The following MRTFB variants were observed in gnomAD, a reference collection of about 807,000 sequenced individuals.
The protein encoded by MRTFB is myocardin related transcription factor B.
In MRTFB, 29 loss-of-function variants were observed where a neutral mutation model predicts 104.2. The ratio of observed to expected loss-of-function variants is 0.28; its 90% confidence interval spans 0.21 to 0.38. The LOEUF (loss-of-function observed/expected upper bound fraction) is 0.38. Among genes scored for constraint, MRTFB ranks in the 10% least tolerant of loss-of-function variants. The pLI, the probability that MRTFB is intolerant of heterozygous loss-of-function variation, is 1.00. For synonymous variants in MRTFB, 535 were observed against 519.5 expected (o/e 1.03, Z -0.41); for missense variants, 1,270 against 1,341.6 (o/e 0.95, Z 0.83).
At chr16:14,208,381 T>C (rs1162876680) in intron 3 of MRTFB, among the ~76,000 whole-genome samples, 1 of 152,230 alleles carries the variant, frequency 6.6e-6, no homozygotes, top group African/African-American at 2.4e-5. Context: ...TAGATTTGTC[T>C]CACAAATGTG....
chr16:14,191,312 G>A (rs1315922163), intron 3 of MRTFB, among the ~76,000 whole-genome samples: 2 of 152,176 alleles, frequency 1.3e-5, no homozygotes, highest in East Asian at 1.9e-4. Context: ...TCTGGACAAC[G>A]CTACTCAGTG....
chr16:14,148,511 CTGATA>C (rs1288818303), intron 3 of MRTFB, among the ~76,000 whole-genome samples: 1 of 152,180 alleles, frequency 6.6e-6, no homozygotes, highest in Non-Finnish European at 1.5e-5. Context: ...AACAGTAAGA[CTGATA>C]TGTTAAAGTA....
chr16:14,159,449 A>G (rs2038947661), intron 3 of MRTFB, among the ~76,000 whole-genome samples: 1 of 152,216 alleles, frequency 6.6e-6, no homozygotes, highest in Non-Finnish European at 1.5e-5. Flanking sequence ...AAGCCTGAAA[A>G]TAGATTATTA....
chr16:14,224,523 G>A (rs1026630948), intron 8 of MRTFB, among the ~76,000 whole-genome samples: 15 of 152,066 alleles, frequency 9.9e-5, no homozygotes, highest in Admixed American at 2.6e-4. Context: ...AAAGACACCC[G>A]CAGGAACGCA....
At chr16:14,254,477 C>T (rs2043394031) in intron 15 of MRTFB, among the ~76,000 whole-genome samples, 1 of 152,158 alleles carries the variant, frequency 6.6e-6, no homozygotes, top group Admixed American at 6.5e-5. Flanking sequence ...GTCTTTATGG[C>T]CTGGAAATCC....
intron 2 of MRTFB, among the ~76,000 whole-genome samples, chr16:14,133,492 C>T (rs965804759): frequency 3.4e-4 from 51 of 152,210 alleles, no homozygotes; most frequent in African/African-American, 1.1e-3. Flanking sequence ...GTATTTTAAA[C>T]GTAAATTTAA....
At chr16:14,175,345 A>G (rs1042448399) in intron 3 of MRTFB, among the ~76,000 whole-genome samples, 1 of 152,236 alleles carries the variant, frequency 6.6e-6, no homozygotes, top group Non-Finnish European at 1.5e-5. Flanking sequence ...TCTCTAGGCA[A>G]CTACTCATGT....
chr16:14,207,555 G>A (rs1181597566), intron 3 of MRTFB, among the ~76,000 whole-genome samples: 1 of 152,180 alleles, frequency 6.6e-6, no homozygotes, highest in Non-Finnish European at 1.5e-5. Flanking sequence ...GGAGTGATGA[G>A]AGTGGTTTTT....
chr16:14,109,956 A>G (rs894484677), intron 2 of MRTFB, among the ~76,000 whole-genome samples: 1 of 152,214 alleles, frequency 6.6e-6, no homozygotes, highest in Non-Finnish European at 1.5e-5. Flanking sequence ...AGCATCTTAA[A>G]TTCTGTTCCT....
intron 3 of MRTFB, chr16:14,141,677 T>G (rs970861517): frequency 2.0e-5 from 3 of 152,182 alleles, no homozygotes; most frequent in African/African-American, 7.2e-5. Flanking sequence ...CTTATTAGAC[T>G]TACCTTATTT....
chr16:14,252,477 G>C lies in MRTFB; in HGVS notation c.2678G>C (p.Arg893Pro). 2 of 1,613,742 alleles carry C rather than the reference G, an allele frequency of 1.2e-6. No homozygotes were observed. The highest frequency in any genetic ancestry group is 2.2e-5 in the South Asian group (2 of 91,042). The change falls in exon 15 of 17, where the codon CGC (arginine) becomes CCC (proline). Residue 893 changes from arginine to proline, a missense_variant. Physicochemically the swap from Arg to Pro is moderately radical, Grantham distance 103. Around this residue, in one of 3 missense-constraint regions of MRTFB, gnomAD observed 1,144 missense variants for 1,131.5 expected, o/e 1.01. Transcript: ENST00000571589. ...TATGAGGAGGCCATCAAGCAGACAC[G>C]CAGCACACAGGCCCCTCTGCCAGAG... The part of the protein sequence containing the change: ...PRYEEAIKQT[R>P]STQAPLPEIS...
intron 2 of MRTFB, among the ~76,000 whole-genome samples, chr16:14,091,670 G>A (rs1234201090): frequency 1.3e-5 from 2 of 152,084 alleles, no homozygotes; most frequent in Admixed American, 6.5e-5. Flanking sequence ...CCCAGAGATC[G>A]AAACGATCTG....
intron 2 of MRTFB, among the ~76,000 whole-genome samples, chr16:14,115,411 TA>T (rs2036493777): frequency 1.3e-5 from 2 of 152,250 alleles, no homozygotes; most frequent in African/African-American, 2.4e-5. Flanking sequence ...GGATGTTTCA[TA>T]CTGTAAGTAA....
chr16:14,090,799 G>T (rs1208827512), intron 2 of MRTFB, among the ~76,000 whole-genome samples: 1 of 152,010 alleles, frequency 6.6e-6, no homozygotes, highest in Non-Finnish European at 1.5e-5. Flanking sequence ...GTAGATAGAG[G>T]TGTGACGACT....
Position 14,125,752 on chromosome 16 carries a change from T to C in MRTFB, c.-63-14792T>C, listed in dbSNP as rs527397784. ...CGTCTGTCTGAGGTTTATAATATGC[T>C]GAGGTCATTTCCAAGTGATTTTTCA... On this transcript the variant is annotated intron_variant, in intron 2 of 16. Coordinates refer to ENST00000571589, the MANE Select transcript of MRTFB (RefSeq NM_001308142.2). Among the ~76,000 whole-genome samples, 7 of 152,368 alleles carry C rather than the reference T, an allele frequency of 4.6e-5. No homozygotes were observed. The South Asian group carries it at 1.5e-3, about 32-fold the overall frequency.
chr16:14,070,526 TCA>T (rs2033622002), upstream of MRTFB, among the ~76,000 whole-genome samples: 1 of 152,188 alleles, frequency 6.6e-6, no homozygotes, highest in Non-Finnish European at 1.5e-5. Flanking sequence ...ATAAAAATAG[TCA>T]CACAGTCTTC....
At chr16:14,106,928 A>C (rs1169050093) in intron 2 of MRTFB, among the ~76,000 whole-genome samples, 1 of 152,234 alleles carries the variant, frequency 6.6e-6, no homozygotes, top group African/African-American at 2.4e-5. Context: ...GGCTGCATAC[A>C]GGTTTTCAGT....
intron 3 of MRTFB, among the ~76,000 whole-genome samples, chr16:14,178,273 C>T (rs1268664087): frequency 1.3e-5 from 2 of 151,832 alleles, no homozygotes; most frequent in Non-Finnish European, 2.9e-5. Context: ...ATATTGGTAG[C>T]GAATCTAGGG....
At chr16:13,997,729 G>T in the MRTFB span, among the ~76,000 whole-genome samples, 11 of 144,482 alleles carry the variant, frequency 7.6e-5, no homozygotes, top group East Asian at 1.8e-3. Context: ...GGAGGCGGAG[G>T]TTGCAGTGAG....
Sources: allele counts gnomAD v4.1 joint callset (sites outside exome capture counted in the v4.1 genomes callset), GRCh38; gene constraint gnomAD v4.1.1; regional missense constraint gnomAD v4.1.1; transcripts MANE v1.5; gene names NCBI Gene and HGNC (gene_info 2026-07-23, HGNC 2026-07-21).